Variants in HPSE2 observed in about 807,000 individuals in gnomAD.
The protein encoded by HPSE2 is heparanase 2 (inactive).
HPSE2 carries 38 observed loss-of-function variants against 60.5 expected under a neutral mutation model. The ratio of observed to expected loss-of-function variants is 0.63; its 90% confidence interval spans 0.48 to 0.82. The LOEUF is 0.82. Ranked by LOEUF, HPSE2 falls within the 40% of genes least tolerant of loss-of-function variation. HPSE2 has a pLI of 0.00. For missense variants in HPSE2, 713 were observed against 740.4 expected, an observed-to-expected ratio of 0.96 and a Z score of 0.43; for synonymous variants, 295 against 293.2, an observed-to-expected ratio of 1.01 and a Z score of -0.06.
At chr10:98,498,840 T>C (rs566297272) in intron 9 of HPSE2, among the ~76,000 whole-genome samples, 4 of 152,146 alleles carry the variant, frequency 2.6e-5, no homozygotes, top group African/African-American at 7.2e-5. Flanking sequence ...GACACACTTA[T>C]AGAATTGCAA....
chr10:98,544,360 T>A (rs1189278204), intron 9 of HPSE2, among the ~76,000 whole-genome samples: 3 of 152,300 alleles, frequency 2.0e-5, no homozygotes, highest in African/African-American at 7.2e-5. Flanking sequence ...TAGCACTAAA[T>A]GCCCACAAGA....
At chr10:98,638,643 C>G (rs1172777343) in intron 7 of HPSE2, among the ~76,000 whole-genome samples, 7 of 152,072 alleles carry the variant, frequency 4.6e-5, no homozygotes, top group African/African-American at 1.7e-4. Context: ...TTTGGGGATC[C>G]TTGTCTAGTC....
chr10:98,725,067 G>T (rs1034119763), intron 4 of HPSE2, among the ~76,000 whole-genome samples: 24 of 152,098 alleles, frequency 1.6e-4, no homozygotes, highest in African/African-American at 5.8e-4. Context: ...TATTGCCCAA[G>T]GTCATTTATA....
chr10:98,890,965 T>G (rs1036579198), intron 3 of HPSE2, among the ~76,000 whole-genome samples: 1 of 152,248 alleles, frequency 6.6e-6, no homozygotes, highest in Admixed American at 6.5e-5. Flanking sequence ...ATAAATGCAC[T>G]TGTATACATG....
chr10:99,171,974 G>A (rs1237904164), intron 2 of HPSE2, among the ~76,000 whole-genome samples: 3 of 152,040 alleles, frequency 2.0e-5, no homozygotes, highest in Admixed American at 2.0e-4. Context: ...ACATCAACCA[G>A]AAAACAAAAC....
At chr10:99,114,372 G>A (rs1372870106) in intron 3 of HPSE2, among the ~76,000 whole-genome samples, 1 of 152,162 alleles carries the variant, frequency 6.6e-6, no homozygotes, top group African/African-American at 2.4e-5. Context: ...ACTAAATGAA[G>A]GAACCTCTAA....
At chr10:98,957,332 A>G (rs1156765845) in intron 3 of HPSE2, among the ~76,000 whole-genome samples, 1 of 152,146 alleles carries the variant, frequency 6.6e-6, no homozygotes, top group Non-Finnish European at 1.5e-5. Flanking sequence ...TTTCTGAGAA[A>G]CTGGCTTTGT....
At position 98,927,343 on chromosome 10, in the gene HPSE2, C is replaced by T. The variant is rs556507565; in HGVS notation, c.611-183287G>A. Among the ~76,000 whole-genome samples the T allele has an allele frequency of 9.4e-4, 143 of 152,020 alleles. 2 individuals are homozygous for T. The highest frequency in any genetic ancestry group is 1.1e-3 in the Non-Finnish European group (72 of 67,976). ...CTGCTCAAGGAAATAAAAGAGGATA[C>T]AAACAAATGGAAGAACATTCCATGC... On this transcript the variant is annotated intron_variant, in intron 3 of 11. Coordinates refer to ENST00000370552, the MANE Select transcript of HPSE2 (RefSeq NM_021828.5).
rs145574084 is a variant in HPSE2 at position 98,763,900 on chromosome 10, C to A, written c.611-19844G>T. 6.7e-4 allele frequency among the ~76,000 whole-genome samples: 102 copies of A among 151,846 alleles called. 1 individual carries two copies. The highest frequency in any genetic ancestry group is 3.5e-3 in the Middle Eastern group (1 of 288). On this transcript the variant is annotated intron_variant, in intron 3 of 11. Coordinates refer to ENST00000370552, the MANE Select transcript of HPSE2 (RefSeq NM_021828.5). ...AGGGAAATGAACAAAGGAGAAGCAACAGAAATAGTAAATTTGGGGGTAAAG... is the reference window on the plus strand; with the variant it reads ...AGGGAAATGAACAAAGGAGAAGCAAAAGAAATAGTAAATTTGGGGGTAAAG...
At chr10:98,515,348 A>C (rs1564932478) in intron 9 of HPSE2, among the ~76,000 whole-genome samples, 1 of 152,162 alleles carries the variant, frequency 6.6e-6, no homozygotes, top group Non-Finnish European at 1.5e-5. Flanking sequence ...ATTACCAAAG[A>C]ATCTTGGTTC....
chr10:98,627,715 A>AG, intron 7 of HPSE2, among the ~76,000 whole-genome samples: 1 of 152,382 alleles, frequency 6.6e-6, no homozygotes, highest in Admixed American at 6.5e-5. Context: ...AAGCAGTTGA[A>AG]GTAGTGTCTG....
chr10:98,738,845 G>C (rs1949422844), intron 4 of HPSE2, among the ~76,000 whole-genome samples: 1 of 152,190 alleles, frequency 6.6e-6, no homozygotes, highest in African/African-American at 2.4e-5. Flanking sequence ...AAGATGTGGA[G>C]AAATAGGAAT....
chr10:99,314,117 C>T, the HPSE2 span, among the ~76,000 whole-genome samples: 2 of 152,190 alleles, frequency 1.3e-5, no homozygotes, highest in Admixed American at 6.5e-5. Flanking sequence ...AAGATTATGA[C>T]TTACTGAAGG....
chr10:99,159,583 G>A (rs1052779141), intron 2 of HPSE2, among the ~76,000 whole-genome samples: 2 of 152,090 alleles, frequency 1.3e-5, no homozygotes, highest in African/African-American at 2.4e-5. Context: ...GCAAGTTTTT[G>A]TAAGTCTAAA....
chr10:98,960,361 T>G (rs1376666223), intron 3 of HPSE2, among the ~76,000 whole-genome samples: 2 of 152,176 alleles, frequency 1.3e-5, no homozygotes, highest in African/African-American at 4.8e-5. Context: ...CTGTCTTTAT[T>G]TTTAGTTACG....
chr10:99,135,282 A>G (rs765234393), intron 3 of HPSE2, among the ~76,000 whole-genome samples: 6 of 152,182 alleles, frequency 3.9e-5, no homozygotes, highest in Non-Finnish European at 7.3e-5. Flanking sequence ...CCCCACTGTC[A>G]ATATTAGACA....
intron 10 of HPSE2, among the ~76,000 whole-genome samples, chr10:98,485,142 T>G (rs562125373): frequency 1.6e-4 from 24 of 152,300 alleles, no homozygotes; most frequent in Middle Eastern, 3.4e-3. Context: ...TTGTTTTTGT[T>G]TAGAAGCACA....
At chr10:99,135,504 C>T (rs1415917649) in intron 3 of HPSE2, among the ~76,000 whole-genome samples, 1 of 152,160 alleles carries the variant, frequency 6.6e-6, no homozygotes, top group African/African-American at 2.4e-5. Context: ...TCATAACAAA[C>T]AGTCTCTCAG....
At chr10:98,849,941 T>G (rs989085856) in intron 3 of HPSE2, among the ~76,000 whole-genome samples, 2 of 152,072 alleles carry the variant, frequency 1.3e-5, no homozygotes, top group Admixed American at 1.3e-4. Context: ...ACGGGGTTTC[T>G]CCACGTTTGT....
Sources: gnomAD v4.1 joint callset for allele counts (sites outside exome capture counted in the v4.1 genomes callset) on GRCh38, gnomAD v4.1.1 for gene constraint, MANE v1.5 for transcripts, NCBI Gene and HGNC (gene_info 2026-07-23, HGNC 2026-07-21) for gene names.